Variants in SOBP observed in about 807,000 individuals in gnomAD.
The protein encoded by SOBP is sine oculis binding protein homolog, also known as sine oculis-binding protein homolog.
A neutral mutation model predicts 53.6 loss-of-function variants in SOBP; 4 were observed. The ratio of observed to expected loss-of-function variants is 0.07; its 90% CI spans 0.04 to 0.17. SOBP has a LOEUF of 0.17. Ranked by LOEUF, SOBP falls within the 10% of genes least tolerant of loss-of-function variation. SOBP has a pLI of 1.00. For missense variants in SOBP, 1,088 were observed against 1,204.7 expected (o/e 0.90, Z 1.43); for synonymous variants, 584 against 522.6 (o/e 1.12, Z -1.60).
intron 4 of SOBP, among the ~76,000 whole-genome samples, chr6:107,556,021 C>T (rs1248870904): frequency 6.6e-6 from 1 of 152,200 alleles, no homozygotes; most frequent in Non-Finnish European, 1.5e-5. Context: ...TTTCCAGTTG[C>T]ACAGTTGAAG....
chr6:107,548,346 T>C (rs888307955), intron 4 of SOBP, among the ~76,000 whole-genome samples: 1 of 151,286 alleles, frequency 6.6e-6, no homozygotes, highest in Non-Finnish European at 1.5e-5. Context: ...TTCCACCTCC[T>C]GGGTTCCTGC....
At chr6:107,524,261 T>C (rs1393530264) in intron 3 of SOBP, among the ~76,000 whole-genome samples, 1 of 152,180 alleles carries the variant, frequency 6.6e-6, no homozygotes, top group Non-Finnish European at 1.5e-5. Context: ...TTGATCTGAC[T>C]CCCTTGTCGC....
intron 4 of SOBP, among the ~76,000 whole-genome samples, chr6:107,567,066 A>G (rs537707946): frequency 1.3e-5 from 2 of 152,344 alleles, no homozygotes; most frequent in East Asian, 3.9e-4. Flanking sequence ...CACATATATC[A>G]AGCACTATGC....
At chr6:107,630,750 G>GTCTCTCTCTCTCTC (rs60388300) in intron 5 of SOBP, among the ~76,000 whole-genome samples, 1 of 148,568 alleles carries the variant, frequency 6.7e-6, no homozygotes, top group African/African-American at 2.5e-5. Flanking sequence ...CACACACTCT[G>GTCTCTCTCTCTCTC]TCTCTCTCTC....
chr6:107,583,312 A>G (rs565985604), intron 4 of SOBP, among the ~76,000 whole-genome samples: 111 of 152,302 alleles, frequency 7.3e-4, no homozygotes, highest in East Asian at 5.8e-4. Context: ...AGGGGAGACA[A>G]AAATCACACC....
chr6:107,605,456 G>A (rs1247315723), intron 5 of SOBP, among the ~76,000 whole-genome samples: 1 of 152,250 alleles, frequency 6.6e-6, no homozygotes, highest in African/African-American at 2.4e-5. Context: ...CTAAATCAGT[G>A]CATTAACATT....
chr6:107,527,594 G>A lies in SOBP; in HGVS notation c.422-5865G>A, dbSNP rs1434307394. Reference sequence around the variant, plus strand: ...ACATATAGAATGTGCATATTTAATCGTATTTGATCCTCACCGAAGCCATAG... The same window carrying A: ...ACATATAGAATGTGCATATTTAATCATATTTGATCCTCACCGAAGCCATAG... On this transcript the variant is annotated intron_variant, in intron 3 of 6. Transcript: ENST00000317357. 3.3e-5 allele frequency among the ~76,000 whole-genome samples: 5 copies of A among 152,080 alleles called. No individual in the cohort carries two copies. The South Asian group carries it at 8.3e-4, about 25-fold the overall frequency.
intron 1 of SOBP, among the ~76,000 whole-genome samples, chr6:107,493,154 T>A (rs1335504463): frequency 6.6e-6 from 1 of 151,344 alleles, no homozygotes; most frequent in Non-Finnish European, 1.5e-5. Context: ...AACAAGTTGG[T>A]TGCCCTGTAT....
intron 5 of SOBP, among the ~76,000 whole-genome samples, chr6:107,601,756 A>G (rs116106526): frequency 0.023 from 3,494 of 152,310 alleles, 132 homozygotes; most frequent in African/African-American, 0.08. Context: ...AAATGGAACT[A>G]TGCAAAGTCT....
intron 5 of SOBP, among the ~76,000 whole-genome samples, chr6:107,597,773 C>T (rs887434881): frequency 6.6e-6 from 1 of 152,072 alleles, no homozygotes; most frequent in Admixed American, 6.6e-5. Flanking sequence ...TGGAGACAGC[C>T]GGTCTTGATA....
intron 2 of SOBP, among the ~76,000 whole-genome samples, chr6:107,505,173 A>G (rs1291768275): frequency 6.6e-6 from 1 of 152,210 alleles, no homozygotes; most frequent in African/African-American, 2.4e-5. Context: ...TCATGTGATT[A>G]TATTATGATA....
chr6:107,526,307 C>T (rs557588022), intron 3 of SOBP, among the ~76,000 whole-genome samples: 7 of 152,216 alleles, frequency 4.6e-5, no homozygotes, highest in South Asian at 2.1e-4. Context: ...GGAATAGAGA[C>T]GAGCTGATTC....
intron 2 of SOBP, 35 bp from the exon 3 acceptor site, chr6:107,506,207 T>G: frequency 6.3e-7 from 1 of 1,591,454 alleles, no homozygotes; most frequent in Non-Finnish European, 8.6e-7. Context: ...ATTACATTCC[T>G]TGGTCACATT....
chr6:107,632,930 A>G (rs1353550638), intron 5 of SOBP, among the ~76,000 whole-genome samples: 1 of 152,238 alleles, frequency 6.6e-6, no homozygotes, highest in Non-Finnish European at 1.5e-5. Context: ...GGTTGGGAAT[A>G]GCTAAACCTC....
Position 107,634,791 on chromosome 6 carries a change from G to A in SOBP, c.1947G>A (p.Pro649=), listed in dbSNP as rs774801789. The change falls in exon 6 of 7, where the codon CCG becomes CCA. Residue 649 remains proline, a synonymous_variant. Coordinates refer to ENST00000317357, the MANE Select transcript of SOBP (RefSeq NM_018013.4). This position sits in a 1 kb window ranked among gnomAD's most constrained non-coding sequence, Gnocchi z 4.5. ...GCTTCCCAGGCGTGCTGCAGGGCCC[G>A]CAGGACGGCGTCATCGACCTGACCG... ...QLGFPGVLQG[P]QDGVIDLTVG... The A allele has an allele frequency of 1.4e-6, 2 of 1,397,700 alleles. No homozygotes were observed. The highest frequency in any genetic ancestry group is 3.3e-5 in the East Asian group (1 of 30,406). The allele number at this position is 1,397,700 out of a possible 1,614,324, so 86.6% of individuals were successfully genotyped here.
rs566914812 is a variant in SOBP at position 107,490,539 on chromosome 6, ACCG to A, written c.-63_-61del. On this transcript the variant is annotated 5_prime_UTR_variant, in exon 1 of 7. Transcript: ENST00000317357. Reference sequence around the variant, plus strand: ...CCTCGCCACCATCAGCACCACCTCCACCGCCGCCGCCGCCGCCACCACCACCGC... The same window carrying A: ...CCTCGCCACCATCAGCACCACCTCCACCGCCGCCGCCGCCACCACCACCGC... 2.8e-4 allele frequency: 289 copies of A among 1,044,732 alleles called. No individual in the cohort carries two copies. Among genetic ancestry groups the A allele is most frequent in the African/African-American group, 6.9e-4 (41 of 59,098 alleles). The allele number at this position is 1,044,732 out of a possible 1,614,324, so 64.7% of individuals were successfully genotyped here. A position where few individuals can be genotyped will look rare whatever the true frequency, so the allele number is the denominator to read the frequency against.
intron 1 of SOBP, among the ~76,000 whole-genome samples, chr6:107,494,177 G>A (rs200908051): frequency 5.3e-5 from 8 of 152,160 alleles, no homozygotes; most frequent in Non-Finnish European, 8.8e-5. Context: ...TTAGTGGCTA[G>A]TAGAATTTTA....
chr6:107,534,778 A>G (rs1470722043), intron 4 of SOBP, among the ~76,000 whole-genome samples: 2 of 152,208 alleles, frequency 1.3e-5, no homozygotes, highest in African/African-American at 4.8e-5. Flanking sequence ...AAGTAAGGAA[A>G]TTGTTTGGAA....
intron 6 of SOBP, among the ~76,000 whole-genome samples, chr6:107,651,255 A>G (rs1771790036): frequency 6.6e-6 from 1 of 152,204 alleles, no homozygotes; most frequent in East Asian, 1.9e-4. Context: ...TGACTGAGAT[A>G]TTGTCTCTAA....
Sources: allele counts gnomAD v4.1 joint callset (sites outside exome capture counted in the v4.1 genomes callset), GRCh38; gene constraint gnomAD v4.1.1; non-coding constraint Gnocchi (gnomAD v3.1); transcripts MANE v1.5; gene names NCBI Gene and HGNC (gene_info 2026-07-23, HGNC 2026-07-21).